The following DHX15 variants were observed in gnomAD, a reference collection of about 807,000 sequenced individuals.
DHX15 encodes ATP-dependent RNA helicase DHX15.
DHX15 carries 11 observed loss-of-function variants against 94.4 expected under a neutral mutation model. The observed-to-expected ratio is 0.12, with a 90% CI of 0.07 to 0.19. DHX15 has a LOEUF of 0.19. Among genes scored for constraint, DHX15 ranks in the 10% least tolerant of loss-of-function variants. DHX15 has a pLI of 1.00. For synonymous variants in DHX15, 338 were observed against 329.9 expected (o/e 1.02, Z -0.27); for missense variants, 304 against 988.5 (o/e 0.31, Z 9.29).
At chr4:24,542,475 G>A (rs1395599826) in intron 7 of DHX15, among the ~76,000 whole-genome samples, 1 of 152,006 alleles carries the variant, frequency 6.6e-6, no homozygotes, top group African/African-American at 2.4e-5. Context: ...AAAATAAAAC[G>A]TATTTATTGA....
At chr4:24,547,923 ATATATATATATATATATATC>A (rs1721475358) in intron 6 of DHX15, among the ~76,000 whole-genome samples, 6 of 84,612 alleles carry the variant, frequency 7.1e-5, no homozygotes, top group Non-Finnish European at 1.1e-4. Flanking sequence ...ATATATATAT[ATATATATATATATATATATC>A]TATATCTATA....
chr4:24,548,164 A>C lies in DHX15; in HGVS notation c.1248+691T>G, dbSNP rs1378169076. On this transcript the variant is annotated intron_variant, in intron 6 of 13. Coordinates refer to ENST00000336812, the MANE Select transcript of DHX15 (RefSeq NM_001358.3). ...ACTTTTTTTTTTTTTTTTTTTTTTG[A>C]GATGGAGTCGCGCTGTCGCCCAGGC... is the stretch of plus-strand genomic sequence containing the variant. 2.8e-4 allele frequency among the ~76,000 whole-genome samples: 21 copies of C among 76,176 alleles called. 1 individual carries two copies. The highest frequency in any genetic ancestry group is 1.1e-3 in the Admixed American group (7 of 6,622). The allele number at this position is 76,176 out of a possible 152,430, so 50.0% of individuals were successfully genotyped here. A position where few individuals can be genotyped will look rare whatever the true frequency, so the allele number is the denominator to read the frequency against.
At position 24,540,168 on chromosome 4, in the gene DHX15, T is replaced by C; in HGVS notation, c.1726A>G (p.Ile576Val). The C allele has an allele frequency of 3.1e-6, 5 of 1,613,184 alleles. No individual in the cohort carries two copies. Among genetic ancestry groups the C allele is most frequent in the Non-Finnish European group, 4.2e-6 (5 of 1,179,402 alleles). Residue 576 changes from isoleucine to valine, a missense_variant, in exon 10 of 14, where the codon ATT becomes GTT. Transcript: ENST00000336812. Reference protein sequence around the residue: ...PLDPQLAKMVIASCDYNCSNE... With the variant: ...PLDPQLAKMVVASCDYNCSNE... ...GAACAGTTGTAGTCACAACTTGCAA[T>C]AACCATTTTTGCGAGCTGTGGATCT...
intron 3 of DHX15, among the ~76,000 whole-genome samples, chr4:24,569,211 A>G (rs895578022): frequency 6.6e-6 from 1 of 152,236 alleles, no homozygotes; most frequent in African/African-American, 2.4e-5. Context: ...ATAACATGGG[A>G]CAGGGAAATA....
intron 3 of DHX15, among the ~76,000 whole-genome samples, chr4:24,567,754 G>T (rs1033486278): frequency 6.6e-6 from 1 of 152,108 alleles, no homozygotes; most frequent in Non-Finnish European, 1.5e-5. Flanking sequence ...AGCTCTTTAG[G>T]TATCTCTTTG....
intron 12 of DHX15, among the ~76,000 whole-genome samples, chr4:24,531,675 C>T (rs1442149906): frequency 2.0e-5 from 3 of 152,006 alleles, no homozygotes; most frequent in Non-Finnish European, 4.4e-5. Context: ...GCCGTGATTG[C>T]ACCACTGCAC....
intron 3 of DHX15, among the ~76,000 whole-genome samples, chr4:24,559,411 C>T (rs954178150): frequency 2.0e-5 from 3 of 146,690 alleles, no homozygotes; most frequent in African/African-American, 7.6e-5. Context: ...CAGTACTTGA[C>T]GATTTGCTAT....
intron 3 of DHX15, among the ~76,000 whole-genome samples, chr4:24,561,870 C>T (rs1344147936): frequency 6.6e-6 from 1 of 152,048 alleles, no homozygotes; most frequent in Non-Finnish European, 1.5e-5. Flanking sequence ...TGTACACCAG[C>T]CCGTAATCCC....
chr4:24,570,988 T>C (rs1350421750), intron 2 of DHX15, 141 bp from the exon 3 acceptor site: 5 of 842,220 alleles, frequency 5.9e-6, no homozygotes, highest in African/African-American at 3.4e-5. Context: ...GATTCAAAAC[T>C]TGTAACAACA....
intron 3 of DHX15, chr4:24,563,526 C>T (rs1467112647): frequency 2.6e-5 from 4 of 152,190 alleles, no homozygotes; most frequent in African/African-American, 9.7e-5. Context: ...TGGGTATAAA[C>T]AGATCACTCA....
intron 13 of DHX15, among the ~76,000 whole-genome samples, chr4:24,528,454 T>C (rs369660384): frequency 2.6e-5 from 4 of 152,216 alleles, no homozygotes; most frequent in African/African-American, 7.2e-5. Flanking sequence ...TTAATAACTG[T>C]AACTCTATAC....
At chr4:24,562,196 A>G (rs1368055629) in intron 3 of DHX15, among the ~76,000 whole-genome samples, 1 of 151,970 alleles carries the variant, frequency 6.6e-6, no homozygotes, top group Non-Finnish European at 1.5e-5. Context: ...TTACCTATAC[A>G]GCAAACCTGC....
intron 8 of DHX15, 44 bp downstream of exon 8, chr4:24,541,829 C>G (rs757878904): frequency 1.3e-6 from 2 of 1,483,146 alleles, no homozygotes; most frequent in Non-Finnish European, 1.8e-6. Context: ...ATAATTCAAC[C>G]TAACATTTTA....
intron 3 of DHX15, among the ~76,000 whole-genome samples, chr4:24,565,414 A>G (rs190417773): frequency 6.6e-5 from 10 of 152,352 alleles, no homozygotes; most frequent in Admixed American, 5.9e-4. Flanking sequence ...CCTCTTTTTA[A>G]GAGTCCAATA....
At position 24,532,897 on chromosome 4, in the gene DHX15, T is replaced by A; in HGVS notation, c.2067A>T (p.Ile689=). The change falls in exon 12 of 14, where the codon ATA becomes ATT. Residue 689 remains isoleucine, a synonymous_variant. Transcript: ENST00000336812. ...AATACCCAGTAACCAAAGCTTTTCTTATATTAATATAATAGTCCCTGCTTG... is the reference window on the plus strand; with the variant it reads ...AATACCCAGTAACCAAAGCTTTTCTAATATTAATATAATAGTCCCTGCTTG... ...DFTSRDYYIN[I]RKALVTGYFM... 6.2e-7 allele frequency: 1 copy of A among 1,610,754 alleles called. No homozygotes were observed. Among genetic ancestry groups the A allele is most frequent in the Non-Finnish European group, 8.5e-7 (1 of 1,178,760 alleles).
At chr4:24,551,204 G>A (rs1721595094) in intron 5 of DHX15, among the ~76,000 whole-genome samples, 1 of 152,166 alleles carries the variant, frequency 6.6e-6, no homozygotes, top group Admixed American at 6.5e-5. Flanking sequence ...TTTTATTGAA[G>A]TATTAATTCA....
intron 3 of DHX15, among the ~76,000 whole-genome samples, chr4:24,561,442 C>T (rs770329873): frequency 2.6e-5 from 4 of 152,158 alleles, no homozygotes; most frequent in Non-Finnish European, 5.9e-5. Context: ...GTTGACCCAG[C>T]AATCCCATTA....
At chr4:24,547,865 CT>C (rs1721458841) in intron 6 of DHX15, among the ~76,000 whole-genome samples, 1 of 826 alleles carries the variant, frequency 1.2e-3, no homozygotes, top group Non-Finnish European at 9.4e-3. Context: ...ATATATGTCT[CT>C]CTCTCTCTCT....
chr4:24,559,373 A>C (rs1162099002), intron 3 of DHX15, among the ~76,000 whole-genome samples: 2 of 108,078 alleles, frequency 1.9e-5, no homozygotes, highest in Non-Finnish European at 2.0e-5. Flanking sequence ...ATTTTAAGCC[A>C]CTAAAAAAAA....
Sources: gnomAD v4.1 joint callset for allele counts (sites outside exome capture counted in the v4.1 genomes callset) on GRCh38, gnomAD v4.1.1 for gene constraint, MANE v1.5 for transcripts, NCBI Gene and HGNC (gene_info 2026-07-23, HGNC 2026-07-21) for gene names.